Variants in EIF1 observed in about 807,000 individuals in gnomAD.
EIF1 encodes the protein protein translation factor SUI1 homolog.
A neutral mutation model predicts 13.7 loss-of-function variants in EIF1; 4 were observed. The ratio of observed to expected loss-of-function variants is 0.29; its 90% CI spans 0.14 to 0.67. The LOEUF is 0.67. Among genes scored for constraint, EIF1 ranks in the 30% least tolerant of loss-of-function variants. EIF1 has a pLI of 0.77. For synonymous variants in EIF1, 67 were observed against 50.7 expected, an observed-to-expected ratio of 1.32 and a Z score of -1.37; for missense variants, 64 against 138.0, an observed-to-expected ratio of 0.46 and a Z score of 2.69.
chr17:41,690,201 C>T lies in EIF1; in HGVS notation c.297+12C>T, dbSNP rs1435721197. The stretch of plus-strand genomic sequence containing the variant: ...AGTTCCTCGTAGAGGTGAGTTCAGT[C>T]ACTACTTGATTTGTGCCTCTCTGCT... On this transcript the variant is annotated intron_variant, in intron 3 of 3. Transcript: ENST00000469257. The T allele has an allele frequency of 6.2e-7, 1 of 1,603,438 alleles. No individual in the cohort carries two copies. The highest frequency in any genetic ancestry group is 8.5e-7 in the Non-Finnish European group (1 of 1,170,550).
chr17:41,690,717 A>G (rs1910350607), intron 3 of EIF1, 65 bp from the exon 4 acceptor site: 2 of 1,581,620 alleles, frequency 1.3e-6, no homozygotes, highest in Non-Finnish European at 1.7e-6. Context: ...GGTTGTTGCC[A>G]TTAGAAATGG....
At chr17:41,690,510 A>G (rs1478288764) in intron 3 of EIF1, 1 of 558,888 alleles carries the variant, frequency 1.8e-6, no homozygotes, top group Non-Finnish European at 3.1e-6. Context: ...CTGAGTATTA[A>G]TACTAAAATA....
At chr17:41,690,439 T>C (rs1261876617) in intron 3 of EIF1, 1 of 554,144 alleles carries the variant, frequency 1.8e-6, no homozygotes, top group East Asian at 3.0e-5. Context: ...CATTGTAAAA[T>C]AAGCCAAATG....
intron 2 of EIF1, 28 bp from the exon 3 acceptor site, chr17:41,690,059 GC>G (rs1189814429): frequency 6.2e-7 from 1 of 1,612,030 alleles, no homozygotes; most frequent in Non-Finnish European, 8.5e-7. Flanking sequence ...CTCTTGCTAG[GC>G]CTAATTCGTT....
intron 3 of EIF1, 170 bp from the exon 4 acceptor site, chr17:41,690,612 T>C (rs1277114178): frequency 3.1e-6 from 2 of 636,910 alleles, no homozygotes; most frequent in Non-Finnish European, 5.6e-6. Context: ...TGGAAGGCAC[T>C]GAGTGTTCAA....
In EIF1 at chr17:41,688,990, C is replaced by T; in HGVS notation, c.-49C>T. 1.2e-6 allele frequency: 2 copies of T among 1,600,218 alleles called. No homozygotes were observed. The highest frequency in any genetic ancestry group is 1.7e-6 in the Non-Finnish European group (2 of 1,176,772). On this transcript the variant is annotated 5_prime_UTR_variant, in exon 1 of 4. Transcript: ENST00000469257. ...TGCCCGCCTTCTCCCGCCACCGCCGCCGCCGCCTTCCGCAGGCCGTTTCCA... is the reference window on the plus strand; with the variant it reads ...TGCCCGCCTTCTCCCGCCACCGCCGTCGCCGCCTTCCGCAGGCCGTTTCCA...
At chr17:41,689,147 C>T (rs916374322) in intron 1 of EIF1, 78 bp downstream of exon 1, 3 of 1,523,792 alleles carry the variant, frequency 2.0e-6, no homozygotes, top group African/African-American at 1.4e-5. Flanking sequence ...CGGGAAGTTG[C>T]CAAGCGCTCC....
intron 1 of EIF1, 79 bp from the exon 2 acceptor site, chr17:41,689,699 C>T: frequency 1.4e-6 from 2 of 1,442,720 alleles, no homozygotes; most frequent in African/African-American, 1.4e-5. Flanking sequence ...TCTGCACGCG[C>T]AAAACACCTG....
chr17:41,690,594 C>T (rs964978711), intron 3 of EIF1, 188 bp from the exon 4 acceptor site: 12 of 606,894 alleles, frequency 2.0e-5, no homozygotes, highest in African/African-American at 3.7e-5. Flanking sequence ...CACACTAATT[C>T]AGAACCTTGG....
At chr17:41,689,401 C>T (rs1910300919) in intron 1 of EIF1, 4 of 518,362 alleles carry the variant, frequency 7.7e-6, no homozygotes, top group East Asian at 3.3e-5. Context: ...GTCACGGATC[C>T]GGAGGGAAAG....
chr17:41,689,206 A>T, intron 1 of EIF1, 137 bp downstream of exon 1: 1 of 1,013,676 alleles, frequency 9.9e-7, no homozygotes, highest in Non-Finnish European at 1.5e-6. Context: ...GTCGCAGGGC[A>T]GCGGGATCAA....
Position 41,692,462 on chromosome 17 carries a change from T to C in EIF1, c.*1636T>C, listed in dbSNP as rs569112085. 5 of 152,234 alleles carry C rather than the reference T, an allele frequency of 3.3e-5. No homozygotes were observed. The highest frequency in any genetic ancestry group is 2.1e-4 in the South Asian group (1 of 4,830). 9.4% of individuals were successfully genotyped at this position (152,234 alleles called of 1,614,324 possible). The stretch of plus-strand genomic sequence containing the variant: ...TAATTTAGTTAAAAAGGCAAAGTTC[T>C]TTCAGCACACATATCTGCATGCAGT... On this transcript the variant is annotated 3_prime_UTR_variant, in exon 4 of 4. Transcript: ENST00000469257.
In EIF1 at chr17:41,689,869, G is replaced by A. The variant is rs1411271262; in HGVS notation, c.123G>A (p.Arg41=). ...TAAGAATTCAACAGAGAAACGGCAG[G>A]AAGACCCTTACTACTGTCCAAGGGA... The part of the protein sequence containing the change: ...IHIRIQQRNG[R]KTLTTVQGIA... Residue 41 remains arginine (R), a synonymous_variant, in exon 2 of 4, where the codon AGG becomes AGA. Transcript: ENST00000469257. 1 of 1,614,056 alleles carries A rather than the reference G, an allele frequency of 6.2e-7. No homozygotes were observed. Among genetic ancestry groups the A allele is most frequent in the Non-Finnish European group, 8.5e-7 (1 of 1,179,948 alleles).
chr17:41,690,731 C>CT (rs1567767025), intron 3 of EIF1, 51 bp from the exon 4 acceptor site: 1 of 1,600,320 alleles, frequency 6.2e-7, no homozygotes, highest in East Asian at 2.2e-5. Flanking sequence ...GAAATGGAGG[C>CT]TTTAACTCTC....
intron 1 of EIF1, 145 bp downstream of exon 1, chr17:41,689,214 C>T (rs1910290340): frequency 3.1e-6 from 3 of 959,770 alleles, no homozygotes; most frequent in Non-Finnish European, 4.8e-6. Flanking sequence ...GCAGCGGGAT[C>T]AAGGCCTGGG....
intron 3 of EIF1, chr17:41,690,452 G>A (rs1910338955): frequency 1.8e-6 from 1 of 550,508 alleles, no homozygotes; most frequent in Non-Finnish European, 3.2e-6. Flanking sequence ...GCCAAATGCT[G>A]GGTTGTTCCT....
chr17:41,690,024 G>C, intron 2 of EIF1, 64 bp from the exon 3 acceptor site: 2 of 1,610,104 alleles, frequency 1.2e-6, no homozygotes, highest in East Asian at 2.2e-5. Flanking sequence ...TATTGTTAGC[G>C]GAAGGGGTGA....
chr17:41,690,506 A>G (rs1456246515), intron 3 of EIF1: 1 of 558,686 alleles, frequency 1.8e-6, no homozygotes, highest in African/African-American at 1.9e-5. Context: ...TTTCCTGAGT[A>G]TTAATACTAA....
rs527554403 is a variant in EIF1, at chr17:41,690,528, A to G, written c.298-254A>G. The G allele has an allele frequency of 2.5e-4, 140 of 566,736 alleles. 1 individual carries two copies. In the South Asian group the frequency reaches 3.1e-3, roughly 13 times the overall value. 35.1% of individuals were successfully genotyped at this position (566,736 alleles called of 1,614,324 possible). On this transcript the variant is annotated intron_variant, in intron 3 of 3. Coordinates refer to ENST00000469257, the MANE Select transcript of EIF1 (RefSeq NM_005801.4). ...AGTATTAATACTAAAATACTGTTAC[A>G]TGATCAGCTCTTGATATAATTGAAG...
Sources: allele counts gnomAD v4.1 joint callset, GRCh38; gene constraint gnomAD v4.1.1; transcripts MANE v1.5; gene names NCBI Gene and HGNC (gene_info 2026-07-23, HGNC 2026-07-21).